The following CCDC186 variants were observed in gnomAD, a reference collection of about 807,000 sequenced individuals.
The protein encoded by CCDC186 is coiled-coil domain containing 186.
In CCDC186, 49 loss-of-function variants were observed where a neutral mutation model predicts 113.7. That is an observed-to-expected ratio of 0.43 (90% CI 0.34 to 0.55). The LOEUF is 0.55. Among genes scored for constraint, CCDC186 ranks in the 20% least tolerant of loss-of-function variants. The probability of loss-of-function intolerance (pLI) is 0.02; values close to 1 mark genes in which losing one functional copy is unlikely to be tolerated. For synonymous variants in CCDC186, 355 were observed against 345.8 expected, an observed-to-expected ratio of 1.03 and a Z score of -0.30; for missense variants, 890 against 1,011.1, an observed-to-expected ratio of 0.88 and a Z score of 1.62.
At chr10:114,150,505 C>T (rs1303780342) in intron 4 of CCDC186, among the ~76,000 whole-genome samples, 1 of 151,734 alleles carries the variant, frequency 6.6e-6, no homozygotes, top group Non-Finnish European at 1.5e-5. Flanking sequence ...AATCAAAATA[C>T]CAATAATTAG....
intron 1 of CCDC186, among the ~76,000 whole-genome samples, chr10:114,172,905 G>C (rs1258493163): frequency 6.6e-6 from 1 of 152,032 alleles, no homozygotes; most frequent in Non-Finnish European, 1.5e-5. Flanking sequence ...CTTCCCACGA[G>C]ATGAACACTC....
At chr10:114,150,148 C>G (rs1396758697) in intron 4 of CCDC186, among the ~76,000 whole-genome samples, 1 of 152,150 alleles carries the variant, frequency 6.6e-6, no homozygotes, top group Admixed American at 6.5e-5. Flanking sequence ...GGGTGGGATC[C>G]ATCACATTCA....
intron 8 of CCDC186, 36 bp from the exon 9 acceptor site, chr10:114,136,013 T>C (rs1476112015): frequency 1.3e-6 from 2 of 1,565,300 alleles, no homozygotes; most frequent in Non-Finnish European, 8.8e-7. Flanking sequence ...CAAATCATAA[T>C]GTGCTAAACT....
At chr10:114,145,816 G>T in intron 4 of CCDC186, 55 bp from the exon 5 acceptor site, 1 of 1,455,492 alleles carries the variant, frequency 6.9e-7, no homozygotes, top group Non-Finnish European at 9.2e-7. Flanking sequence ...AAATGGAAAT[G>T]TATTGAAATA....
In CCDC186 at chr10:114,131,704, T is replaced by C. The variant is rs189138267; in HGVS notation, c.1911+225A>G. Among the ~76,000 whole-genome samples the C allele has an allele frequency of 2.2e-3, 330 of 152,272 alleles. 2 individuals carry two copies. Among genetic ancestry groups the C allele is most frequent in the African/African-American group, 5.6e-3 (234 of 41,572 alleles). On this transcript the variant is annotated intron_variant, in intron 11 of 15. Coordinates refer to ENST00000369287, the MANE Select transcript of CCDC186 (RefSeq NM_018017.4). ...AGTCAGGAAGGACACAAACCAGTTT[T>C]CTCATTTTCAAAAGTAAAATATTAT... is the stretch of plus-strand genomic sequence containing the variant.
chr10:114,173,989 GC>G lies in CCDC186; in HGVS notation c.-62+25del, dbSNP rs901096676. 6 of 468,160 alleles carry G rather than the reference GC, an allele frequency of 1.3e-5. 1 individual carries two copies. Among genetic ancestry groups the G allele is most frequent in the Admixed American group, 1.2e-4 (5 of 42,504 alleles). 29.0% of individuals were successfully genotyped at this position (468,160 alleles called of 1,614,324 possible). A position where few individuals can be genotyped will look rare whatever the true frequency, so the allele number is the denominator to read the frequency against. On this transcript the variant is annotated intron_variant, in intron 1 of 15. Transcript: ENST00000369287. ...CACCGCCACCGCGACTCACCGGTGTGCCCCGAGTACCCCTCAGACACTTACC... is the reference window on the plus strand; with the variant it reads ...CACCGCCACCGCGACTCACCGGTGTGCCCGAGTACCCCTCAGACACTTACC...
At chr10:114,156,042 G>A (rs1252150666) in intron 3 of CCDC186, among the ~76,000 whole-genome samples, 1 of 152,194 alleles carries the variant, frequency 6.6e-6, no homozygotes, top group East Asian at 1.9e-4. Context: ...CATTGTACCT[G>A]TTCGGTCTGA....
At chr10:114,157,350 A>G (rs2032040109) in intron 3 of CCDC186, among the ~76,000 whole-genome samples, 1 of 149,482 alleles carries the variant, frequency 6.7e-6, no homozygotes, top group Non-Finnish European at 1.5e-5. Flanking sequence ...TATGCAGCTA[A>G]TTTTCTATTT....
chr10:114,134,902 T>A lies in CCDC186; in HGVS notation c.1655+11A>T. 1 of 1,599,184 alleles carries A rather than the reference T, an allele frequency of 6.3e-7. No homozygotes were observed. Among genetic ancestry groups the A allele is most frequent in the Non-Finnish European group, 8.5e-7 (1 of 1,175,976 alleles). ...GCTTATTAATACAAACAGAAGTTGCTCATTTTGTACCTTTGAAGCTGCTCC... is the reference window on the plus strand; with the variant it reads ...GCTTATTAATACAAACAGAAGTTGCACATTTTGTACCTTTGAAGCTGCTCC... On this transcript the variant is annotated intron_variant, in intron 10 of 15. Coordinates refer to ENST00000369287, the MANE Select transcript of CCDC186 (RefSeq NM_018017.4).
Position 114,145,559 on chromosome 10 carries a change from T to C in CCDC186, c.1091A>G (p.Tyr364Cys), listed in dbSNP as rs745527255. Reference protein sequence around the residue: ...SQEKGRLHQLYETKEGETTRL... With the variant: ...SQEKGRLHQLCETKEGETTRL... Reference sequence around the variant, plus strand: ...TGGCACAAGTTATACCTTAGTTTCATACAGCTGGTGCAACCGTCCTTTCTC... The same window carrying C: ...TGGCACAAGTTATACCTTAGTTTCACACAGCTGGTGCAACCGTCCTTTCTC... The change falls in exon 5 of 16, where the codon TAT becomes TGT. Residue 364 changes from tyrosine (Y) to cysteine (C), a missense_variant. By Grantham distance (194) the Tyr-to-Cys change is radical. Coordinates refer to ENST00000369287, the MANE Select transcript of CCDC186 (RefSeq NM_018017.4). 6.9e-6 allele frequency: 11 copies of C among 1,605,696 alleles called. No homozygotes were observed. The highest frequency in any genetic ancestry group is 5.1e-5 in the Admixed American group (3 of 58,274).
rs753406376 is a variant in CCDC186 at position 114,163,375 on chromosome 10, C to A, written c.-61-46G>T. The A allele has an allele frequency of 1.0e-5, 15 of 1,467,266 alleles. No individual in the cohort carries two copies. In the African/African-American group the frequency reaches 2.1e-4, roughly 21 times the overall value. The allele number at this position is 1,467,266 out of a possible 1,614,324, so 90.9% of individuals were successfully genotyped here. A position where few individuals can be genotyped will look rare whatever the true frequency, so the allele number is the denominator to read the frequency against. ...AATTAAAAACCACTTTAAACCAAAA[C>A]CCCATACAAACTTGCACACACTCTG... On this transcript the variant is annotated intron_variant, in intron 1 of 15. Coordinates refer to ENST00000369287, the MANE Select transcript of CCDC186 (RefSeq NM_018017.4).
At position 114,151,203 on chromosome 10, in the gene CCDC186, T is replaced by C. The variant is rs2031847270; in HGVS notation, c.777A>G (p.Glu259=). The C allele has an allele frequency of 6.4e-7, 1 of 1,573,562 alleles. No homozygotes were observed. Among genetic ancestry groups the C allele is most frequent in the Non-Finnish European group, 8.7e-7 (1 of 1,145,858 alleles). Residue 259 remains glutamate (E), a synonymous_variant, in exon 4 of 16, where the codon GAA becomes GAG. Transcript: ENST00000369287. ...AAGCTTTAACTTCTTTATTAAGTTCTTCTATTCTTGATTCTAACTGTAAAG... is the reference window on the plus strand; with the variant it reads ...AAGCTTTAACTTCTTTATTAAGTTCCTCTATTCTTGATTCTAACTGTAAAG... ...NTIKQLESRI[E]ELNKEVKASR...
At chr10:114,134,248 A>T (rs1173940912) in intron 10 of CCDC186, among the ~76,000 whole-genome samples, 1 of 152,230 alleles carries the variant, frequency 6.6e-6, no homozygotes, top group East Asian at 1.9e-4. Flanking sequence ...GGAAAAACTG[A>T]AGTGTGAAGA....
chr10:114,170,934 G>T (rs2032477175), intron 1 of CCDC186, among the ~76,000 whole-genome samples: 1 of 151,954 alleles, frequency 6.6e-6, no homozygotes, highest in Non-Finnish European at 1.5e-5. Context: ...AGAAATTATG[G>T]TCCATCAAAA....
intron 4 of CCDC186, 119 bp downstream of exon 4, chr10:114,150,973 A>C (rs1477801069): frequency 8.4e-7 from 1 of 1,186,884 alleles, no homozygotes; most frequent in Non-Finnish European, 1.2e-6. Flanking sequence ...TTTATATAAA[A>C]GAATCACCTA....
chr10:114,139,702 AACTT>A (rs2031405724), intron 6 of CCDC186, among the ~76,000 whole-genome samples: 1 of 152,148 alleles, frequency 6.6e-6, no homozygotes, highest in South Asian at 2.1e-4. Flanking sequence ...CTTGTATTAA[AACTT>A]AGTACCACTT....
intron 5 of CCDC186, 57 bp downstream of exon 5, chr10:114,145,492 A>T (rs1191601156): frequency 1.5e-6 from 2 of 1,378,586 alleles, no homozygotes; most frequent in Non-Finnish European, 2.0e-6. Flanking sequence ...AATATGGAAA[A>T]GCAAAGAGAA....
intron 1 of CCDC186, among the ~76,000 whole-genome samples, chr10:114,169,389 T>G (rs6585266): frequency 0.47 from 71,511 of 151,514 alleles, 17,835 homozygotes; most frequent in African/African-American, 0.64. Context: ...GATTACAGGG[T>G]TGTGCCATCA....
intron 2 of CCDC186, among the ~76,000 whole-genome samples, chr10:114,159,931 C>T (rs888086281): frequency 2.0e-5 from 3 of 152,072 alleles, no homozygotes; most frequent in African/African-American, 7.2e-5. Flanking sequence ...CCACTACACT[C>T]CAGCTTGGGC....
Sources: allele counts gnomAD v4.1 joint callset (sites outside exome capture counted in the v4.1 genomes callset), GRCh38; gene constraint gnomAD v4.1.1; transcripts MANE v1.5; gene names NCBI Gene and HGNC (gene_info 2026-07-23, HGNC 2026-07-21).